Variants in MPDZ observed in about 807,000 individuals in gnomAD.
The protein encoded by MPDZ is multiple PDZ domain protein.
MPDZ carries 234 observed loss-of-function variants against 239.1 expected under a neutral mutation model. The ratio of observed to expected loss-of-function variants is 0.98; its 90% CI spans 0.88 to 1.09. The LOEUF is 1.09. Among genes scored for constraint, MPDZ ranks in the 50% least tolerant of loss-of-function variants. MPDZ has a pLI of 0.00. For synonymous variants in MPDZ, 1,048 were observed against 881.3 expected, an observed-to-expected ratio of 1.19 and a Z score of -3.35; for missense variants, 3,175 against 2,510.0, an observed-to-expected ratio of 1.26 and a Z score of -5.66.
At position 13,121,742 on chromosome 9, in the gene MPDZ, T is replaced by C. The variant is rs1944381438; in HGVS notation, c.5228A>G (p.Lys1743Arg). ...GKGLGLSIVG[K>R]RNDTGVFVSD... ...GGTTTGTCCTCCTCAATCACACCTT[T>C]TACCAACAATACTTAATCCTAGGCC... Residue 1743 changes from lysine to arginine, a missense_variant, in exon 38 of 47, where the codon AAA becomes AGA. By Grantham distance (26) the Lys-to-Arg change is conservative. Coordinates refer to ENST00000319217, the MANE Select transcript of MPDZ (RefSeq NM_001378778.1). 6.2e-7 allele frequency: 1 copy of C among 1,613,930 alleles called. No homozygotes were observed. Among genetic ancestry groups the C allele is most frequent in the Non-Finnish European group, 8.5e-7 (1 of 1,179,860 alleles).
intron 25 of MPDZ, among the ~76,000 whole-genome samples, chr9:13,148,690 A>G (rs1486114387): frequency 1.4e-5 from 2 of 143,796 alleles, no homozygotes; most frequent in African/African-American, 5.4e-5. Flanking sequence ...GATGTTAATT[A>G]TCTTTGCTCA....
rs375992264 is a variant in MPDZ, at chr9:13,113,057, G to A, written c.5558-3C>T. On this transcript the variant is annotated splice_polypyrimidine_tract_variant and splice_region_variant and intron_variant, in intron 41 of 46. Transcript: ENST00000319217. ...TAATCCCTGTATTTCAGATGCCACT[G>A]TAAAGGCAAAAAAGATAAAATAGGG... 124 of 1,571,204 alleles carry A rather than the reference G, an allele frequency of 7.9e-5. No homozygotes were observed. In the African/African-American group the frequency reaches 1.6e-3, roughly 21 times the overall value.
intron 19 of MPDZ, among the ~76,000 whole-genome samples, chr9:13,178,811 G>A (rs1357326213): frequency 6.6e-6 from 1 of 152,082 alleles, no homozygotes; most frequent in African/African-American, 2.4e-5. Flanking sequence ...ATATTTTGTC[G>A]TGCAGAAGTT....
rs541706828 is a variant in MPDZ at position 13,173,791 on chromosome 9, C to T, written c.3055+1961G>A. Reference sequence around the variant, plus strand: ...AAACCATGGCTCTTACAAGAGCCTCCTAACTGCTTCACCAACCTAAGCTGA... The same window carrying T: ...AAACCATGGCTCTTACAAGAGCCTCTTAACTGCTTCACCAACCTAAGCTGA... On this transcript the variant is annotated intron_variant, in intron 21 of 46. Transcript: ENST00000319217. Among the ~76,000 whole-genome samples, 6 of 152,226 alleles carry T rather than the reference C, an allele frequency of 3.9e-5. No homozygotes were observed. The East Asian group carries it at 7.7e-4, about 20-fold the overall frequency.
At chr9:13,124,191 TGTTAA>T (rs1944788963) in intron 35 of MPDZ, among the ~76,000 whole-genome samples, 1 of 152,242 alleles carries the variant, frequency 6.6e-6, no homozygotes, top group Admixed American at 6.5e-5. Flanking sequence ...TTTTCTTTTA[TGTTAA>T]GTTTTCATCT....
At position 13,216,818 on chromosome 9, in the gene MPDZ, C is replaced by G; in HGVS notation, c.1246G>C (p.Val416Leu). 1 of 1,610,174 alleles carries G rather than the reference C, an allele frequency of 6.2e-7. No homozygotes were observed. The highest frequency in any genetic ancestry group is 8.5e-7 in the Non-Finnish European group (1 of 1,177,964). ...ATTTGGATTCTTCCATCATGCTCAA[C>G]GGCACTGCTTTTTGTAATGCTCTTT... ...FVKSITKSSA[V>L]EHDGRIQIGD... Residue 416 changes from valine to leucine, a missense_variant, in exon 10 of 47, where the codon GTT (valine) becomes CTT (leucine). Val to Leu is a conservative substitution (Grantham distance 32). Transcript: ENST00000319217.
chr9:13,180,245 A>C (rs1212857419), intron 19 of MPDZ, among the ~76,000 whole-genome samples: 8 of 152,206 alleles, frequency 5.3e-5, no homozygotes. Context: ...ATTTGTAAGA[A>C]TGTTCAGACT....
At chr9:13,268,283 G>A (rs1423317295) in intron 1 of MPDZ, among the ~76,000 whole-genome samples, 1 of 151,982 alleles carries the variant, frequency 6.6e-6, no homozygotes, top group Non-Finnish European at 1.5e-5. Context: ...CTAGCCATGT[G>A]TATAGGAAGA....
intron 23 of MPDZ, among the ~76,000 whole-genome samples, chr9:13,158,791 G>C (rs896791178): frequency 1.3e-5 from 2 of 152,154 alleles, no homozygotes; most frequent in Non-Finnish European, 2.9e-5. Context: ...CCAGTCTACT[G>C]ATTGACTGTA....
In MPDZ at chr9:13,177,000, T is replaced by C. The variant is rs1419123011; in HGVS notation, c.2650-583A>G. Among the ~76,000 whole-genome samples the C allele has an allele frequency of 3.9e-5, 6 of 152,132 alleles. No individual in the cohort carries two copies. The East Asian group carries it at 5.8e-4, about 15-fold the overall frequency. ...ATTCTGTACGATATAACAGAAGGAA[T>C]AGTAAGACGGGTTGTCATAAAATGT... On this transcript the variant is annotated intron_variant, in intron 19 of 46. Coordinates refer to ENST00000319217, the MANE Select transcript of MPDZ (RefSeq NM_001378778.1).
intron 31 of MPDZ, chr9:13,134,479 T>C (rs1946455752): frequency 6.6e-6 from 1 of 152,226 alleles, no homozygotes; most frequent in Non-Finnish European, 1.5e-5. Flanking sequence ...GACAATGATT[T>C]GTACATCTAT....
intron 24 of MPDZ, 151 bp downstream of exon 24, chr9:13,157,867 T>C: frequency 1.5e-6 from 1 of 656,662 alleles, no homozygotes; most frequent in Non-Finnish European, 2.7e-6. Flanking sequence ...TTCTCTCCAC[T>C]GTATACATTA....
At chr9:13,219,826 T>C in intron 7 of MPDZ, 58 bp from the exon 8 acceptor site, 3 of 1,515,182 alleles carry the variant, frequency 2.0e-6, no homozygotes, top group Non-Finnish European at 2.7e-6. Flanking sequence ...AACAGATAAA[T>C]CCTAAATGAG....
At chr9:13,152,657 C>T (rs1234672948) in intron 24 of MPDZ, among the ~76,000 whole-genome samples, 1 of 151,970 alleles carries the variant, frequency 6.6e-6, no homozygotes. Context: ...ATATACCTGC[C>T]ATGGGCTCTG....
At chr9:13,144,564 T>C (rs1485634551) in intron 26 of MPDZ, among the ~76,000 whole-genome samples, 1 of 152,060 alleles carries the variant, frequency 6.6e-6, no homozygotes, top group African/African-American at 2.4e-5. Flanking sequence ...GTTACTTTTC[T>C]CTATAAAAAA....
chr9:13,142,307 G>A (rs144409455), intron 27 of MPDZ, among the ~76,000 whole-genome samples: 7 of 152,122 alleles, frequency 4.6e-5, no homozygotes, highest in Admixed American at 3.9e-4. Context: ...CATACTGTGA[G>A]TAAATCAAAA....
chr9:13,245,679 T>G (rs190750836), intron 3 of MPDZ, among the ~76,000 whole-genome samples: 8 of 152,268 alleles, frequency 5.3e-5, no homozygotes, highest in African/African-American at 1.9e-4. Context: ...TTAAAATATA[T>G]CAGTTGTCTA....
At chr9:13,268,472 A>T (rs1972263831) in intron 1 of MPDZ, among the ~76,000 whole-genome samples, 1 of 152,154 alleles carries the variant, frequency 6.6e-6, no homozygotes, top group Non-Finnish European at 1.5e-5. Flanking sequence ...CTGTCACTGA[A>T]GCATATGACA....
intron 27 of MPDZ, 82 bp downstream of exon 27, chr9:13,143,384 A>G (rs1421460633): frequency 1.9e-6 from 2 of 1,071,230 alleles, no homozygotes; most frequent in Admixed American, 3.9e-5. Flanking sequence ...CAAATAGTGA[A>G]CTGGGACAAA....
Sources: gnomAD v4.1 joint callset for allele counts (sites outside exome capture counted in the v4.1 genomes callset) on GRCh38, gnomAD v4.1.1 for gene constraint, MANE v1.5 for transcripts, NCBI Gene and HGNC (gene_info 2026-07-23, HGNC 2026-07-21) for gene names.